The following TBC1D19 variants were observed in gnomAD, a reference collection of about 807,000 sequenced individuals.
TBC1D19 encodes TBC1 domain family member 19.
A neutral mutation model predicts 89.0 loss-of-function variants in TBC1D19; 60 were observed. That is an observed-to-expected ratio of 0.67 (90% CI 0.55 to 0.84). The LOEUF is 0.84. TBC1D19 is among the 40% of genes least tolerant of loss of function. The pLI, the probability that TBC1D19 is intolerant of heterozygous loss-of-function variation, is 0.00. For missense variants in TBC1D19, 500 were observed against 610.8 expected (o/e 0.82, Z 1.91); for synonymous variants, 189 against 199.7 (o/e 0.95, Z 0.45).
the TBC1D19 span, among the ~76,000 whole-genome samples, chr4:26,851,753 G>A: frequency 6.6e-6 from 1 of 152,278 alleles, no homozygotes; most frequent in South Asian, 2.1e-4. Flanking sequence ...GTATCACTCT[G>A]TTGCCCAGGC....
chr4:26,820,461 C>T, the TBC1D19 span, among the ~76,000 whole-genome samples: 3 of 152,208 alleles, frequency 2.0e-5, no homozygotes, highest in Non-Finnish European at 4.4e-5. Flanking sequence ...CTTTCTGTGC[C>T]TGACTTATTT....
chr4:26,828,944 G>A, the TBC1D19 span, among the ~76,000 whole-genome samples: 3 of 152,196 alleles, frequency 2.0e-5, no homozygotes, highest in African/African-American at 7.2e-5. Flanking sequence ...AACTCAGGAA[G>A]GGAGATTAGG....
downstream of TBC1D19, among the ~76,000 whole-genome samples, chr4:26,759,122 G>A (rs1719372897): frequency 6.6e-6 from 1 of 152,134 alleles, no homozygotes; most frequent in African/African-American, 2.4e-5. Context: ...CTTCTCTTAA[G>A]AATCCTTAAC....
At chr4:26,817,985 T>C in the TBC1D19 span, among the ~76,000 whole-genome samples, 3 of 132,158 alleles carry the variant, frequency 2.3e-5, no homozygotes, top group African/African-American at 6.1e-5. Flanking sequence ...AAAAAAAATA[T>C]ATATATATAT....
At chr4:26,739,539 G>T (rs1342839281) in intron 16 of TBC1D19, among the ~76,000 whole-genome samples, 1 of 152,036 alleles carries the variant, frequency 6.6e-6, no homozygotes, top group Non-Finnish European at 1.5e-5. Context: ...TTAAAAAAAG[G>T]AGAGATTTGA....
chr4:26,807,604 G>A, the TBC1D19 span, among the ~76,000 whole-genome samples: 1 of 152,174 alleles, frequency 6.6e-6, no homozygotes, highest in Non-Finnish European at 1.5e-5. Context: ...ACCCCTCAGT[G>A]TGCCACTTGC....
chr4:26,674,476 GT>G (rs900453633), intron 11 of TBC1D19, among the ~76,000 whole-genome samples: 1 of 151,852 alleles, frequency 6.6e-6, no homozygotes, highest in Non-Finnish European at 1.5e-5. Flanking sequence ...TTTTTTGTTT[GT>G]TTTTTGCTTA....
intron 18 of TBC1D19, among the ~76,000 whole-genome samples, chr4:26,747,891 A>G (rs2109327872): frequency 6.6e-6 from 1 of 152,308 alleles, no homozygotes; most frequent in Admixed American, 6.5e-5. Flanking sequence ...ATCTATTTCT[A>G]ATGTCTCATA....
intron 1 of TBC1D19, among the ~76,000 whole-genome samples, chr4:26,588,024 C>CTTTTTTT (rs573029265): frequency 2.5e-5 from 3 of 119,294 alleles, no homozygotes; most frequent in African/African-American, 9.8e-5. Flanking sequence ...CATATGTGTT[C>CTTTTTTT]TTTTTTTTTT....
chr4:26,853,604 C>T, the TBC1D19 span, among the ~76,000 whole-genome samples: 3 of 151,952 alleles, frequency 2.0e-5, no homozygotes, highest in Non-Finnish European at 4.4e-5. Context: ...GTGGTGCGGT[C>T]TCGGCTCACT....
intron 3 of TBC1D19, among the ~76,000 whole-genome samples, chr4:26,618,274 A>G (rs1410903562): frequency 6.6e-6 from 1 of 152,212 alleles, no homozygotes; most frequent in Non-Finnish European, 1.5e-5. Context: ...GGAACACGTA[A>G]GGCCGGCATT....
In TBC1D19 at chr4:26,674,932, C is replaced by T. The variant is rs1247575574; in HGVS notation, c.816+1044C>T. 3.3e-5 allele frequency among the ~76,000 whole-genome samples: 5 copies of T among 151,884 alleles called. No homozygotes were observed. In the East Asian group the frequency reaches 9.6e-4, roughly 29 times the overall value. On this transcript the variant is annotated intron_variant, in intron 11 of 20. Coordinates refer to ENST00000264866, the MANE Select transcript of TBC1D19 (RefSeq NM_018317.4). Reference sequence around the variant, plus strand: ...AACCCTTGCAAACTATGTATACGTGCATGTGTGTATACTGTGTTTTAAATC... The same window carrying T: ...AACCCTTGCAAACTATGTATACGTGTATGTGTGTATACTGTGTTTTAAATC...
chr4:26,710,079 G>A (rs1024974154), intron 13 of TBC1D19, among the ~76,000 whole-genome samples: 1 of 151,850 alleles, frequency 6.6e-6, no homozygotes, highest in Admixed American at 6.6e-5. Flanking sequence ...TGTGCACAAT[G>A]TGCAGGTTTG....
At chr4:26,693,264 C>A (rs2109176123) in intron 13 of TBC1D19, among the ~76,000 whole-genome samples, 1 of 152,228 alleles carries the variant, frequency 6.6e-6, no homozygotes, top group African/African-American at 2.4e-5. Flanking sequence ...TCAACCAAGT[C>A]ACTAAACAAA....
chr4:26,673,650 A>G, intron 10 of TBC1D19, 126 bp from the exon 11 acceptor site: 2 of 689,078 alleles, frequency 2.9e-6, no homozygotes, highest in Middle Eastern at 3.7e-4. Context: ...AAAGGTAAAG[A>G]TACGGTGTAA....
At chr4:26,759,769 A>T (rs1201245963), downstream of TBC1D19, among the ~76,000 whole-genome samples, 1 of 152,168 alleles carries the variant, frequency 6.6e-6, no homozygotes, top group South Asian at 2.1e-4. Flanking sequence ...TTTGAGATTC[A>T]TCCATATTAT....
rs1365330828 is a variant in TBC1D19 at position 26,614,556 on chromosome 4, AT to A, written c.218+104del. 6.2e-6 allele frequency: 4 copies of A among 641,640 alleles called. No homozygotes were observed. The African/African-American group carries it at 7.8e-5, about 13-fold the overall frequency. The allele number at this position is 641,640 out of a possible 1,614,324, so 39.7% of individuals were successfully genotyped here. A position where few individuals can be genotyped will look rare whatever the true frequency, so the allele number is the denominator to read the frequency against. On this transcript the variant is annotated intron_variant, in intron 3 of 20. Coordinates refer to ENST00000264866, the MANE Select transcript of TBC1D19 (RefSeq NM_018317.4). ...ATATATACTTGTTGTATTATTATTTATCATTAATATTTATACAGCATTTCAA... is the reference window on the plus strand; with the variant it reads ...ATATATACTTGTTGTATTATTATTTACATTAATATTTATACAGCATTTCAA...
At chr4:26,737,001 T>C (rs1718092809) in intron 16 of TBC1D19, among the ~76,000 whole-genome samples, 1 of 152,222 alleles carries the variant, frequency 6.6e-6, no homozygotes, top group Non-Finnish European at 1.5e-5. Flanking sequence ...GTCCCCTTTA[T>C]TTCTATCCCC....
At chr4:26,782,876 T>C in the TBC1D19 span, among the ~76,000 whole-genome samples, 2 of 152,152 alleles carry the variant, frequency 1.3e-5, no homozygotes, top group Admixed American at 1.3e-4. Context: ...ACAGATTGTT[T>C]TCTCTTTGTA....
Sources: allele counts gnomAD v4.1 joint callset (sites outside exome capture counted in the v4.1 genomes callset), GRCh38; gene constraint gnomAD v4.1.1; transcripts MANE v1.5; gene names NCBI Gene and HGNC (gene_info 2026-07-23, HGNC 2026-07-21).